The following GRB10 variants were observed in gnomAD, a reference collection of about 807,000 sequenced individuals.
GRB10 encodes the protein growth factor receptor-bound protein 10.
Under a neutral mutation model 80.9 loss-of-function variants are expected in GRB10, and 20 were observed. The observed-to-expected ratio is 0.25, with a 90% CI of 0.17 to 0.36. GRB10 has a LOEUF of 0.36. Ranked by LOEUF, GRB10 falls within the 10% of genes least tolerant of loss-of-function variation. The probability of loss-of-function intolerance (pLI) is 1.00; values close to 1 mark genes in which losing one functional copy is unlikely to be tolerated. For missense variants in GRB10, 548 were observed against 747.7 expected (o/e 0.73, Z 3.12); for synonymous variants, 291 against 291.5 (o/e 1.00, Z 0.02).
At chr7:50,670,536 G>A (rs976713221) in intron 6 of GRB10, among the ~76,000 whole-genome samples, 1 of 124,026 alleles carries the variant, frequency 8.1e-6, no homozygotes, top group Non-Finnish European at 1.6e-5. Context: ...GGGGGCGGGG[G>A]GCGGGGTGCC....
At chr7:50,652,087 A>G (rs1284694742) in intron 7 of GRB10, among the ~76,000 whole-genome samples, 1 of 152,202 alleles carries the variant, frequency 6.6e-6, no homozygotes, top group African/African-American at 2.4e-5. Context: ...TGGATTTCAA[A>G]TTTTCAAAAA....
At chr7:50,721,130 T>C (rs1434597959) in intron 4 of GRB10, among the ~76,000 whole-genome samples, 2 of 152,268 alleles carry the variant, frequency 1.3e-5, no homozygotes, top group Non-Finnish European at 2.9e-5. Flanking sequence ...TATTTTAAAC[T>C]TTCCTGGAGA....
chr7:50,791,250 T>C (rs2078903059), intron 1 of GRB10, among the ~76,000 whole-genome samples: 1 of 152,190 alleles, frequency 6.6e-6, no homozygotes, highest in Non-Finnish European at 1.5e-5. Context: ...AAAATAAATG[T>C]GTATTTAAAT....
chr7:50,726,351 T>C (rs376733445), intron 4 of GRB10, among the ~76,000 whole-genome samples: 4 of 152,018 alleles, frequency 2.6e-5, no homozygotes, highest in African/African-American at 7.3e-5. Context: ...TGAGCTGAGA[T>C]TGGGCCACTG....
At chr7:50,635,325 T>A (rs1016332616) in intron 7 of GRB10, among the ~76,000 whole-genome samples, 1 of 152,110 alleles carries the variant, frequency 6.6e-6, no homozygotes, top group East Asian at 1.9e-4. Context: ...GAAATTTTTT[T>A]AATGAAAATA....
chr7:50,699,413 A>C (rs2063857008), intron 5 of GRB10, among the ~76,000 whole-genome samples: 1 of 152,214 alleles, frequency 6.6e-6, no homozygotes, highest in Non-Finnish European at 1.5e-5. Context: ...CAAGTTAAGG[A>C]GGTTTCTTTT....
chr7:50,615,175 G>A (rs7810039), intron 11 of GRB10, among the ~76,000 whole-genome samples: 20,230 of 152,148 alleles, frequency 0.13, 1,591 homozygotes, highest in Non-Finnish European at 0.18. Context: ...TAAAAAGCAG[G>A]AGAAAATCTA....
At chr7:50,627,096 T>C in intron 7 of GRB10, 118 bp from the exon 8 acceptor site, 1 of 1,074,350 alleles carries the variant, frequency 9.3e-7, no homozygotes, top group Non-Finnish European at 1.4e-6. Context: ...CATGGGCAAC[T>C]GTTTTTCCAG....
intron 7 of GRB10, among the ~76,000 whole-genome samples, chr7:50,632,476 G>A (rs947501691): frequency 1.7e-4 from 26 of 152,162 alleles, no homozygotes; most frequent in African/African-American, 5.3e-4. Context: ...AATACTGGAG[G>A]AGCCCCCACT....
At chr7:50,674,732 G>A in intron 5 of GRB10, 74 bp from the exon 6 acceptor site, 3 of 1,277,190 alleles carry the variant, frequency 2.3e-6, no homozygotes, top group Non-Finnish European at 3.4e-6. Flanking sequence ...GTACATCTTG[G>A]TGATCAGGTT....
intron 5 of GRB10, among the ~76,000 whole-genome samples, chr7:50,692,222 G>A (rs59885095): frequency 0.013 from 1,936 of 152,150 alleles, 45 homozygotes; most frequent in African/African-American, 0.044. Context: ...TTTTACATCA[G>A]GGCCTTGAGC....
At chr7:50,691,448 T>C (rs1371883851) in intron 5 of GRB10, among the ~76,000 whole-genome samples, 1 of 152,190 alleles carries the variant, frequency 6.6e-6, no homozygotes, top group African/African-American at 2.4e-5. Context: ...ATAATAATTG[T>C]GCCTACCTCA....
In GRB10 at chr7:50,595,513, T is replaced by A. The variant is rs1192563143; in HGVS notation, c.1562A>T (p.Asp521Val). The change falls in exon 18 of 19, where the codon GAC (aspartate) becomes GTC (valine). Residue 521 changes from aspartate to valine, a missense_variant. Around this residue, in one of 4 missense-constraint regions of GRB10, gnomAD observed 270 missense variants for 433.6 expected, o/e 0.62. Coordinates refer to ENST00000401949, the MANE Select transcript of GRB10 (RefSeq NM_001350814.2). ...AAATGCCTTTGGATTACTCTGGCTG[T>A]CACGGAGGAGAAAAAGCCTGGGGAA... ...GLVDGLFLLRDSQSNPKAFVL... is the reference protein window; with the variant it reads ...GLVDGLFLLRVSQSNPKAFVL... 1 of 1,609,380 alleles carries A rather than the reference T, an allele frequency of 6.2e-7. No individual in the cohort carries two copies. The highest frequency in any genetic ancestry group is 8.5e-7 in the Non-Finnish European group (1 of 1,175,844).
chr7:50,787,952 G>A (rs1316069672), intron 1 of GRB10, among the ~76,000 whole-genome samples: 1 of 152,146 alleles, frequency 6.6e-6, no homozygotes, highest in South Asian at 2.1e-4. Flanking sequence ...CAATTAGAGG[G>A]CACTGAACAT....
intron 8 of GRB10, 46 bp from the exon 9 acceptor site, chr7:50,619,331 T>C (rs1563178694): frequency 9.2e-7 from 1 of 1,084,792 alleles, no homozygotes; most frequent in Admixed American, 1.7e-5. Flanking sequence ...GGTGGGAAAT[T>C]CATGGTAGCT....
chr7:50,636,523 G>GTAA (rs2055058439), intron 7 of GRB10, among the ~76,000 whole-genome samples: 1 of 152,078 alleles, frequency 6.6e-6, no homozygotes, highest in Non-Finnish European at 1.5e-5. Context: ...CATTAAAAAG[G>GTAA]TAATACATCA....
intron 3 of GRB10, among the ~76,000 whole-genome samples, chr7:50,745,898 C>A (rs1156881494): frequency 6.6e-6 from 1 of 152,226 alleles, no homozygotes; most frequent in African/African-American, 2.4e-5. Context: ...AAAGTAAACT[C>A]TCTGGCTAAA....
At chr7:50,657,483 A>G (rs1289353003) in intron 7 of GRB10, among the ~76,000 whole-genome samples, 3 of 152,164 alleles carry the variant, frequency 2.0e-5, no homozygotes, top group African/African-American at 4.8e-5. Context: ...GAACAAAAAG[A>G]GAGGAATGTG....
chr7:50,605,057 C>T (rs1012825132), intron 15 of GRB10: 1 of 572,418 alleles, frequency 1.7e-6, no homozygotes, highest in African/African-American at 1.9e-5. Context: ...CTGTTCCTCT[C>T]CTGTCCCTTC....
Sources: gnomAD v4.1 joint callset for allele counts (sites outside exome capture counted in the v4.1 genomes callset) on GRCh38, gnomAD v4.1.1 for gene constraint, gnomAD v4.1.1 regional missense constraint, MANE v1.5 for transcripts, NCBI Gene and HGNC (gene_info 2026-07-23, HGNC 2026-07-21) for gene names.